CLIC5: variants seen among roughly 807,000 people sequenced by gnomAD.
The protein encoded by CLIC5 is CLIC family member 5, also known as chloride intracellular channel protein 5.
A neutral mutation model predicts 24.7 loss-of-function variants in CLIC5; 20 were observed. The observed-to-expected ratio is 0.81, with a 90% CI of 0.57 to 1.18. CLIC5 has a LOEUF of 1.18. CLIC5 is among the 50% of genes most tolerant of loss of function. CLIC5 has a pLI of 0.00. For synonymous variants in CLIC5, 159 were observed against 135.6 expected (o/e 1.17, Z -1.20); for missense variants, 341 against 326.1 (o/e 1.05, Z -0.35).
chr6:45,888,768 G>A (rs757784888), intron 6 of CLIC5, among the ~76,000 whole-genome samples: 2 of 152,080 alleles, frequency 1.3e-5, no homozygotes, highest in African/African-American at 2.4e-5. Context: ...TCCCAGCAAG[G>A]AATGTTATTA....
chr6:45,912,577 G>A lies in CLIC5; in HGVS notation c.588+1651C>T, dbSNP rs534981728. On this transcript the variant is annotated intron_variant, in intron 5 of 5. Transcript: ENST00000339561. ...TCCACTTCTGTTCTTCTAGGCATGAGAAAAATGAATTCCAAAAAGATTAAA... is the reference window on the plus strand; with the variant it reads ...TCCACTTCTGTTCTTCTAGGCATGAAAAAAATGAATTCCAAAAAGATTAAA... The A allele has an allele frequency of 7.7e-6, 11 of 1,435,630 alleles. No homozygotes were observed. In the South Asian group the frequency reaches 1.3e-4, roughly 17 times the overall value. 88.9% of individuals were successfully genotyped at this position (1,435,630 alleles called of 1,614,324 possible).
At chr6:46,032,837 A>G (rs1432080088) in intron 1 of CLIC5, among the ~76,000 whole-genome samples, 1 of 151,734 alleles carries the variant, frequency 6.6e-6, no homozygotes, top group East Asian at 1.9e-4. Context: ...ATAACACAAA[A>G]GCCTGATTTC....
intron 4 of CLIC5, among the ~76,000 whole-genome samples, chr6:45,927,876 G>A (rs1344438500): frequency 4.6e-5 from 7 of 152,080 alleles, no homozygotes; most frequent in Non-Finnish European, 7.4e-5. Flanking sequence ...TGTTACAGGG[G>A]TCCCTTCCAA....
chr6:46,097,310 C>G, the CLIC5 span: 1 of 152,160 alleles, frequency 6.6e-6, no homozygotes, highest in African/African-American at 2.4e-5. Flanking sequence ...TGTTCTTCAA[C>G]TTTTCTGTAT....
intron 1 of CLIC5, among the ~76,000 whole-genome samples, chr6:46,043,207 C>G (rs1234818299): frequency 6.6e-6 from 1 of 152,132 alleles, no homozygotes; most frequent in South Asian, 2.1e-4. Flanking sequence ...TTATTGAGCA[C>G]CCTCTGTGTA....
intron 4 of CLIC5, among the ~76,000 whole-genome samples, chr6:45,917,778 A>T (rs1476226893): frequency 6.6e-6 from 1 of 152,170 alleles, no homozygotes; most frequent in Non-Finnish European, 1.5e-5. Context: ...ATCTCTTTTG[A>T]CTGATGGTAC....
the CLIC5 span, among the ~76,000 whole-genome samples, chr6:46,124,944 T>C: frequency 6.6e-6 from 1 of 152,160 alleles, no homozygotes; most frequent in African/African-American, 2.4e-5. Flanking sequence ...CTGGAGAGGA[T>C]GTGGAGGAAT....
At chr6:46,031,159 A>T (rs969861207) in intron 1 of CLIC5, among the ~76,000 whole-genome samples, 1 of 152,152 alleles carries the variant, frequency 6.6e-6, no homozygotes, top group Non-Finnish European at 1.5e-5. Context: ...AGAATATGAG[A>T]TGTTGCTCCA....
chr6:46,042,958 G>C (rs551762276), intron 1 of CLIC5, among the ~76,000 whole-genome samples: 1 of 152,244 alleles, frequency 6.6e-6, no homozygotes, highest in Non-Finnish European at 1.5e-5. Context: ...CATGCTTCTG[G>C]GTGCACGTTC....
chr6:46,127,667 A>G, the CLIC5 span, among the ~76,000 whole-genome samples: 3 of 152,182 alleles, frequency 2.0e-5, no homozygotes, highest in African/African-American at 7.2e-5. Flanking sequence ...CCCAGCACCC[A>G]TTCCAACTCA....
chr6:46,093,852 T>G, the CLIC5 span, among the ~76,000 whole-genome samples: 2 of 152,230 alleles, frequency 1.3e-5, no homozygotes, highest in Admixed American at 6.5e-5. Context: ...AAACCCCCTG[T>G]ATTAGCCTGT....
chr6:45,974,791 A>G (rs908348949), intron 1 of CLIC5, among the ~76,000 whole-genome samples: 1 of 152,074 alleles, frequency 6.6e-6, no homozygotes, highest in African/African-American at 2.4e-5. Flanking sequence ...GTGGATATAT[A>G]TGTAACCCCA....
At chr6:45,881,935 C>T (rs1259851256) in intron 6 of CLIC5, among the ~76,000 whole-genome samples, 1 of 151,698 alleles carries the variant, frequency 6.6e-6, no homozygotes, top group African/African-American at 2.4e-5. Flanking sequence ...AATGACTTCC[C>T]CTTAGCCCCA....
the CLIC5 span, among the ~76,000 whole-genome samples, chr6:46,114,660 C>G: frequency 6.6e-6 from 1 of 152,166 alleles, no homozygotes; most frequent in African/African-American, 2.4e-5. Context: ...TGCCTGCTTG[C>G]ATCAATCTGC....
intron 1 of CLIC5, among the ~76,000 whole-genome samples, chr6:45,976,189 T>A (rs940561943): frequency 6.6e-6 from 1 of 152,212 alleles, no homozygotes; most frequent in Non-Finnish European, 1.5e-5. Flanking sequence ...AATAATTATA[T>A]TACGTATACG....
chr6:45,892,645 GC>G (rs1289403664), intron 6 of CLIC5, among the ~76,000 whole-genome samples: 1 of 152,188 alleles, frequency 6.6e-6, no homozygotes, highest in African/African-American at 2.4e-5. Context: ...CTCTCAGGAT[GC>G]CTCCTGTTGT....
rs150336183 is a variant in CLIC5, at chr6:45,916,132, C to G, written c.407-1723G>C. 6.2e-4 allele frequency among the ~76,000 whole-genome samples: 95 copies of G among 152,286 alleles called. 1 individual carries two copies. The East Asian group carries it at 0.015, about 24-fold the overall frequency. ...GTTTGAGACAATGGAAAGACACCAG[C>G]CCAAGATAAATCAATTGAACACTTA... is the stretch of plus-strand genomic sequence containing the variant. On this transcript the variant is annotated intron_variant, in intron 4 of 5. Transcript: ENST00000339561.
chr6:45,984,008 C>T (rs984180049), intron 1 of CLIC5, among the ~76,000 whole-genome samples: 15 of 152,258 alleles, frequency 9.9e-5, no homozygotes, highest in South Asian at 2.1e-4. Context: ...AGTAGGGCCT[C>T]AGAAAAACCA....
the CLIC5 span, among the ~76,000 whole-genome samples, chr6:46,098,224 A>G: frequency 6.6e-6 from 1 of 152,252 alleles, no homozygotes; most frequent in Non-Finnish European, 1.5e-5. Flanking sequence ...TAAGTTTTGT[A>G]GGTATCTTTT....
Sources: gnomAD v4.1 joint callset for allele counts (sites outside exome capture counted in the v4.1 genomes callset) on GRCh38, gnomAD v4.1.1 for gene constraint, MANE v1.5 for transcripts, NCBI Gene and HGNC (gene_info 2026-07-23, HGNC 2026-07-21) for gene names.